Variants in TLK2 observed in about 807,000 individuals in gnomAD.
TLK2 encodes the protein tousled like kinase 2, also known as serine/threonine-protein kinase tousled-like 2.
In TLK2, 6 loss-of-function variants were observed where a neutral mutation model predicts 117.3. The observed-to-expected ratio is 0.05, with a 90% confidence interval of 0.03 to 0.10. TLK2 has a LOEUF of 0.10. TLK2 is among the 10% of genes least tolerant of loss of function. The pLI is 1.00. For missense variants in TLK2, 299 were observed against 901.2 expected (o/e 0.33, Z 8.56); for synonymous variants, 257 against 316.7 (o/e 0.81, Z 2.00).
chr17:62,509,173 C>G (rs912449769), intron 2 of TLK2, among the ~76,000 whole-genome samples: 1 of 152,146 alleles, frequency 6.6e-6, no homozygotes, highest in Non-Finnish European at 1.5e-5. Context: ...ACTGCAGCCT[C>G]GACCTCCTGG....
intron 2 of TLK2, chr17:62,516,916 C>T (rs1424453377): frequency 6.4e-6 from 4 of 622,756 alleles, no homozygotes; most frequent in Admixed American, 2.8e-5. Flanking sequence ...TTCTCCAGCA[C>T]CATTTTTTGA....
At chr17:62,556,578 TTC>T (rs976298067) in intron 9 of TLK2, among the ~76,000 whole-genome samples, 42 of 152,262 alleles carry the variant, frequency 2.8e-4, no homozygotes, top group African/African-American at 9.6e-4. Context: ...ATAACACGCA[TTC>T]TCTCTCTCTG....
At chr17:62,519,405 C>T (rs2075870325) in intron 2 of TLK2, among the ~76,000 whole-genome samples, 1 of 152,162 alleles carries the variant, frequency 6.6e-6, no homozygotes, top group Non-Finnish European at 1.5e-5. Flanking sequence ...ACTGTACTGT[C>T]TTGATTACTG....
intron 18 of TLK2, among the ~76,000 whole-genome samples, chr17:62,601,443 T>C (rs2082867781): frequency 6.6e-6 from 1 of 152,268 alleles, no homozygotes; most frequent in African/African-American, 2.4e-5. Context: ...TTGTAAACTT[T>C]GCTTTACTCT....
chr17:62,486,724 T>C (rs112397796), intron 2 of TLK2, among the ~76,000 whole-genome samples: 4 of 152,296 alleles, frequency 2.6e-5, no homozygotes, highest in East Asian at 1.9e-4. Context: ...CAAATACTTA[T>C]AATACTGTGT....
At chr17:62,476,422 A>G (rs1250254571), upstream of TLK2, among the ~76,000 whole-genome samples, 2 of 152,012 alleles carry the variant, frequency 1.3e-5, no homozygotes, top group African/African-American at 4.8e-5. Flanking sequence ...TCTCTACTAA[A>G]AACACAAAAA....
intron 7 of TLK2, among the ~76,000 whole-genome samples, chr17:62,541,820 TG>T (rs2077556903): frequency 6.6e-6 from 1 of 151,436 alleles, no homozygotes; most frequent in Admixed American, 6.6e-5. Context: ...CCAGCCTGGG[TG>T]ACAAAGTGAG....
chr17:62,524,444 A>G, intron 6 of TLK2, 113 bp downstream of exon 6: 1 of 1,297,460 alleles, frequency 7.7e-7, no homozygotes, highest in Non-Finnish European at 1.0e-6. Flanking sequence ...AGCATTAGGG[A>G]GAAAAGTTCA....
intron 16 of TLK2, among the ~76,000 whole-genome samples, chr17:62,589,739 T>C (rs1215265735): frequency 6.6e-6 from 1 of 152,222 alleles, no homozygotes; most frequent in Non-Finnish European, 1.5e-5. Context: ...TATACATTTA[T>C]AGCATGCTAG....
chr17:62,499,722 G>T (rs1358202484), intron 2 of TLK2, among the ~76,000 whole-genome samples: 4 of 151,906 alleles, frequency 2.6e-5, no homozygotes, highest in Non-Finnish European at 5.9e-5. Context: ...ATGGTGGCAT[G>T]TGCCTGTAAT....
chr17:62,472,566 G>A (rs1349625824), intron 1 of TLK2, among the ~76,000 whole-genome samples: 3 of 151,886 alleles, frequency 2.0e-5, no homozygotes, highest in Admixed American at 2.0e-4. Context: ...GTGAAACCCC[G>A]TCTCTACTAA....
chr17:62,538,178 G>A (rs1457016953), intron 7 of TLK2, among the ~76,000 whole-genome samples: 1 of 151,496 alleles, frequency 6.6e-6, no homozygotes, highest in Non-Finnish European at 1.5e-5. Context: ...TGGGACTACA[G>A]GCACCCGCCA....
chr17:62,566,729 A>C (rs1210747984), intron 11 of TLK2, among the ~76,000 whole-genome samples: 1 of 152,200 alleles, frequency 6.6e-6, no homozygotes, highest in African/African-American at 2.4e-5. Context: ...CATACCATCC[A>C]GTTTCCAGAT....
chr17:62,556,568 A>G (rs1017739295), intron 9 of TLK2, among the ~76,000 whole-genome samples: 4 of 152,336 alleles, frequency 2.6e-5, no homozygotes, highest in South Asian at 2.1e-4. Context: ...CCTCTCAAAT[A>G]TAACACGCAT....
Position 62,530,344 on chromosome 17 carries a change from G to T in TLK2, c.364-5826G>T, listed in dbSNP as rs192088231. Among the ~76,000 whole-genome samples the T allele has an allele frequency of 4.1e-3, 617 of 152,196 alleles. 6 individuals are homozygous for T. The highest frequency in any genetic ancestry group is 3.7e-3 in the Non-Finnish European group (253 of 67,992). The stretch of plus-strand genomic sequence containing the variant: ...AGCCAGGCATGGTGGCATGCACCTT[G>T]TAGTCCCAGCTACTCAGGTGGCTGA... On this transcript the variant is annotated intron_variant, in intron 6 of 21. Coordinates refer to ENST00000346027, the MANE Select transcript of TLK2 (RefSeq NM_006852.6).
intron 11 of TLK2, among the ~76,000 whole-genome samples, chr17:62,572,413 AAG>A (rs2080382341): frequency 6.6e-6 from 1 of 151,568 alleles, no homozygotes; most frequent in African/African-American, 2.4e-5. Context: ...ACATGAGAGA[AAG>A]TGTTTTTTTT....
chr17:62,485,600 C>A (rs1325811143), intron 2 of TLK2, among the ~76,000 whole-genome samples: 1 of 152,046 alleles, frequency 6.6e-6, no homozygotes, highest in Non-Finnish European at 1.5e-5. Context: ...AAACAAAAGT[C>A]ATTTATTTTG....
chr17:62,598,745 G>C (rs2082665162), intron 17 of TLK2, among the ~76,000 whole-genome samples: 2 of 151,828 alleles, frequency 1.3e-5, no homozygotes, highest in African/African-American at 4.8e-5. Context: ...GGCTGGTCTT[G>C]AACTCTTGAC....
chr17:62,513,214 T>G (rs1056667155), intron 2 of TLK2, among the ~76,000 whole-genome samples: 1 of 151,942 alleles, frequency 6.6e-6, no homozygotes, highest in African/African-American at 2.4e-5. Context: ...GCAAGGTGTT[T>G]TTTTGTTTTG....
Sources: allele counts gnomAD v4.1 joint callset (sites outside exome capture counted in the v4.1 genomes callset), GRCh38; gene constraint gnomAD v4.1.1; transcripts MANE v1.5; gene names NCBI Gene and HGNC (gene_info 2026-07-23, HGNC 2026-07-21).